The following SIRT1 variants were observed in gnomAD, a reference collection of about 807,000 sequenced individuals.
SIRT1 encodes NAD-dependent protein deacetylase sirtuin-1.
Under a neutral mutation model 67.9 loss-of-function variants are expected in SIRT1, and 24 were observed. The ratio of observed to expected loss-of-function variants is 0.35; its 90% confidence interval spans 0.26 to 0.50. The LOEUF (loss-of-function observed/expected upper bound fraction) is 0.50, where lower values mean the gene tolerates loss of function less well. Ranked by LOEUF, SIRT1 falls within the 20% of genes least tolerant of loss-of-function variation. The pLI is 0.98. For synonymous variants in SIRT1, 378 were observed against 350.7 expected, an observed-to-expected ratio of 1.08 and a Z score of -0.87; for missense variants, 873 against 937.2, an observed-to-expected ratio of 0.93 and a Z score of 0.89.
In SIRT1 at chr10:67,918,141, G is replaced by A. The variant is rs2029982378; in HGVS notation, c.*1548G>A. On this transcript the variant is annotated 3_prime_UTR_variant, in exon 9 of 9. Coordinates refer to ENST00000212015, the MANE Select transcript of SIRT1 (RefSeq NM_012238.5). Reference sequence around the variant, plus strand: ...AGTATATTTAGTTTTCCATTTGCATGATGTTTGTGTGCTATAGATGATATT... The same window carrying A: ...AGTATATTTAGTTTTCCATTTGCATAATGTTTGTGTGCTATAGATGATATT... 1 of 152,588 alleles carries A rather than the reference G, an allele frequency of 6.6e-6. No individual in the cohort carries two copies. The highest frequency in any genetic ancestry group is 2.1e-4 in the South Asian group (1 of 4,826). The allele number at this position is 152,588 out of a possible 1,614,324, so 9.5% of individuals were successfully genotyped here. A position where few individuals can be genotyped will look rare whatever the true frequency, so the allele number is the denominator to read the frequency against.
Position 67,909,478 on chromosome 10 carries a change from A to G in SIRT1, c.1357+36A>G, listed in dbSNP as rs746966174. On this transcript the variant is annotated intron_variant, in intron 7 of 8. Transcript: ENST00000212015. ...GATGGTTTTTGGAGAACATTTCTAT[A>G]TATAATGTCATGGGTTGTGGGTCTG... 29 of 1,547,166 alleles carry G rather than the reference A, an allele frequency of 1.9e-5. No homozygotes were observed. The East Asian group carries it at 5.4e-4, about 29-fold the overall frequency.
At chr10:67,887,319 A>G in intron 1 of SIRT1, 98 bp from the exon 2 acceptor site, 3 of 759,858 alleles carry the variant, frequency 3.9e-6, no homozygotes, top group Non-Finnish European at 7.0e-6. Flanking sequence ...TGTAAATGTT[A>G]AATGCTGTAC....
chr10:67,903,724 C>T (rs542625861), intron 4 of SIRT1, among the ~76,000 whole-genome samples: 1 of 152,256 alleles, frequency 6.6e-6, no homozygotes, highest in African/African-American at 2.4e-5. Context: ...GTTTTGACCA[C>T]GTTGGTTGCC....
chr10:67,912,663 G>A lies in SIRT1; in HGVS notation c.1547G>A (p.Arg516Gln), dbSNP rs1247003248. 8 of 1,614,000 alleles carry A rather than the reference G, an allele frequency of 5.0e-6. No homozygotes were observed. The highest frequency in any genetic ancestry group is 2.2e-5 in the East Asian group (1 of 44,860). ...KLSEITEKPP[R>Q]TQKELAYLSE... Reference sequence around the variant, plus strand: ...TCAGAAATTACTGAAAAACCTCCACGAACACAAAAAGAATTGGCTTATTTG... The same window carrying A: ...TCAGAAATTACTGAAAAACCTCCACAAACACAAAAAGAATTGGCTTATTTG... Residue 516 changes from arginine to glutamine, a missense_variant, in exon 8 of 9, where the codon CGA becomes CAA. Around this residue, in one of 3 missense-constraint regions of SIRT1, gnomAD observed 295 missense variants for 294.5 expected, o/e 1.00. Coordinates refer to ENST00000212015, the MANE Select transcript of SIRT1 (RefSeq NM_012238.5).
chr10:67,889,233 G>C, intron 3 of SIRT1, 110 bp downstream of exon 3: 2 of 1,270,550 alleles, frequency 1.6e-6, no homozygotes, highest in Non-Finnish European at 2.1e-6. Context: ...GATAATGGAT[G>C]TTTGGGAACT....
rs1842449029 is a variant in SIRT1 at position 67,884,861 on chromosome 10, G to A, written c.140G>A (p.Ser47Asn). ...AGAGATGGTCCCGGCCTCGAGCGGA[G>A]CCCGGGCGAGCCCGGTGGGGCGGCC... ...PRRDGPGLER[S>N]PGEPGGAAPE... Residue 47 changes from serine (S) to asparagine (N), a missense_variant, in exon 1 of 9, where the codon AGC becomes AAC. Transcript: ENST00000212015. 12 of 1,217,056 alleles carry A rather than the reference G, an allele frequency of 9.9e-6. No individual in the cohort carries two copies. The East Asian group carries it at 2.3e-4, about 23-fold the overall frequency. 75.4% of individuals were successfully genotyped at this position (1,217,056 alleles called of 1,614,324 possible).
chr10:67,914,059 A>ATTTTTTTTTTT (rs57073724), intron 8 of SIRT1, among the ~76,000 whole-genome samples: 7 of 88,244 alleles, frequency 7.9e-5, no homozygotes, highest in African/African-American at 3.6e-4. Flanking sequence ...CAAAAGGTAG[A>ATTTTTTTTTTT]TTTTTTTTTT....
chr10:67,905,054 C>G (rs140792615), intron 4 of SIRT1, among the ~76,000 whole-genome samples: 2 of 152,210 alleles, frequency 1.3e-5, no homozygotes, highest in African/African-American at 2.4e-5. Flanking sequence ...CTCTTTTTCC[C>G]TGACCTTGCT....
At position 67,908,032 on chromosome 10, in the gene SIRT1, T is replaced by C. The variant is rs1348218058; in HGVS notation, c.1091-14T>C. On this transcript the variant is annotated splice_polypyrimidine_tract_variant and intron_variant, in intron 5 of 8. Coordinates refer to ENST00000212015, the MANE Select transcript of SIRT1 (RefSeq NM_012238.5). ...ACTTCTTTAATAAAGCATATATATG[T>C]TGTTTGTTTTTAGGTTCCTTTGCAA... 3 of 1,602,512 alleles carry C rather than the reference T, an allele frequency of 1.9e-6. No homozygotes were observed. The highest frequency in any genetic ancestry group is 2.7e-5 in the African/African-American group (2 of 74,728).
Position 67,918,368 on chromosome 10 carries a change from T to G in SIRT1, c.*1775T>G, listed in dbSNP as rs951445538. Reference sequence around the variant, plus strand: ...GTTTTAAAGTCTATTAAAATTGTCATTTGACTTTTTTCTGTTAACTTACAT... The same window carrying G: ...GTTTTAAAGTCTATTAAAATTGTCAGTTGACTTTTTTCTGTTAACTTACAT... On this transcript the variant is annotated 3_prime_UTR_variant, in exon 9 of 9. Coordinates refer to ENST00000212015, the MANE Select transcript of SIRT1 (RefSeq NM_012238.5). The G allele has an allele frequency of 6.5e-6, 1 of 152,672 alleles. No individual in the cohort carries two copies. Among genetic ancestry groups the G allele is most frequent in the Non-Finnish European group, 1.5e-5 (1 of 68,048 alleles). 9.5% of individuals were successfully genotyped at this position (152,672 alleles called of 1,614,324 possible). A position where few individuals can be genotyped will look rare whatever the true frequency, so the allele number is the denominator to read the frequency against.
At chr10:67,894,183 G>A (rs182835867) in intron 4 of SIRT1, among the ~76,000 whole-genome samples, 2 of 152,012 alleles carry the variant, frequency 1.3e-5, no homozygotes, top group African/African-American at 4.8e-5. Context: ...GTGTAAAGTG[G>A]GAAAATTATA....
At position 67,912,996 on chromosome 10, in the gene SIRT1, G is replaced by C; in HGVS notation, c.1880G>C (p.Arg627Thr). 1.2e-6 allele frequency: 2 copies of C among 1,611,912 alleles called. No homozygotes were observed. Among genetic ancestry groups the C allele is most frequent in the Admixed American group, 3.4e-5 (2 of 59,470 alleles). ...ACAGTGAGAAAATGCTGGCCTAATA[G>C]AGTGGCAAAGGAGCAGATTAGTAGG... is the stretch of plus-strand genomic sequence containing the variant. ...AGTVRKCWPN[R>T]VAKEQISRRL... The change falls in exon 8 of 9, where the codon AGA becomes ACA. Residue 627 changes from arginine (R) to threonine (T), a missense_variant. Physicochemically the swap from Arg to Thr is moderately conservative, Grantham distance 71. Around this residue, in one of 3 missense-constraint regions of SIRT1, gnomAD observed 295 missense variants for 294.5 expected, o/e 1.00. Transcript: ENST00000212015.
At position 67,916,598 on chromosome 10, in the gene SIRT1, ATAAT is replaced by A. The variant is rs1161156736; in HGVS notation, c.*7_*10del. The A allele has an allele frequency of 6.3e-7, 1 of 1,599,284 alleles. No homozygotes were observed. Among genetic ancestry groups the A allele is most frequent in the Non-Finnish European group, 8.5e-7 (1 of 1,169,600 alleles). Reference sequence around the variant, plus strand: ...TATCCATCAAACAAATCATAGTGTAATAATTGTGCAGGTACAGGAATTGTTCCAC... The same window carrying A: ...TATCCATCAAACAAATCATAGTGTAATGTGCAGGTACAGGAATTGTTCCAC... On this transcript the variant is annotated 3_prime_UTR_variant, in exon 9 of 9. Transcript: ENST00000212015.
intron 6 of SIRT1, 84 bp from the exon 7 acceptor site, chr10:67,909,172 C>A: frequency 1.2e-6 from 1 of 854,206 alleles, no homozygotes; most frequent in Non-Finnish European, 1.8e-6. Context: ...GAAATGTATT[C>A]TTAGAGGTAT....
chr10:67,899,185 C>T (rs1349728781), intron 4 of SIRT1, among the ~76,000 whole-genome samples: 1 of 151,960 alleles, frequency 6.6e-6, no homozygotes, highest in East Asian at 1.9e-4. Context: ...GGGCTGGGTG[C>T]AGTGGCTCAT....
chr10:67,917,584 G>A lies in SIRT1; in HGVS notation c.*991G>A, dbSNP rs1173930861. 6.6e-6 allele frequency: 1 copy of A among 152,566 alleles called. No individual in the cohort carries two copies. The highest frequency in any genetic ancestry group is 2.1e-4 in the South Asian group (1 of 4,824). 9.5% of individuals were successfully genotyped at this position (152,566 alleles called of 1,614,324 possible). ...TTGGACTGCTGTTTTCCATTAATGA[G>A]GAGAGCAACAGGCCCCTGATTATAC... is the stretch of plus-strand genomic sequence containing the variant. On this transcript the variant is annotated 3_prime_UTR_variant, in exon 9 of 9. Transcript: ENST00000212015.
Position 67,908,149 on chromosome 10 carries a change from G to A in SIRT1, c.1170+24G>A. 3.1e-6 allele frequency: 5 copies of A among 1,590,840 alleles called. No individual in the cohort carries two copies. In the South Asian group the frequency reaches 3.3e-5, roughly 11 times the overall value. ...AGGTAATTTGTTGCCCATATTTTAG[G>A]AATTGTTCATGTCTCTGAAGTATTT... On this transcript the variant is annotated intron_variant, in intron 6 of 8. Transcript: ENST00000212015.
Position 67,888,863 on chromosome 10 carries a change from CT to C in SIRT1, c.548-15del. On this transcript the variant is annotated intron_variant, in intron 2 of 8. Coordinates refer to ENST00000212015, the MANE Select transcript of SIRT1 (RefSeq NM_012238.5). Reference sequence around the variant, plus strand: ...ATTACTTGATAAGTTGACTTTAAGCCTTTTCCCCCTTATTGTAGGTCCATAT... The same window carrying C: ...ATTACTTGATAAGTTGACTTTAAGCCTTTCCCCCTTATTGTAGGTCCATAT... 8 of 1,575,362 alleles carry C rather than the reference CT, an allele frequency of 5.1e-6. No individual in the cohort carries two copies. Among genetic ancestry groups the C allele is most frequent in the Admixed American group, 3.6e-5 (2 of 55,458 alleles).
rs1320870381 is a variant in SIRT1 at position 67,912,744 on chromosome 10, G to C, written c.1628G>C (p.Arg543Thr). The C allele has an allele frequency of 2.5e-6, 4 of 1,614,068 alleles. No individual in the cohort carries two copies. The highest frequency in any genetic ancestry group is 3.4e-6 in the Non-Finnish European group (4 of 1,180,028). ...HVSEDSSSPERTSPPDSSVIV... is the reference protein window; with the variant it reads ...HVSEDSSSPETTSPPDSSVIV... ...TCAGAAGACTCAAGTTCACCAGAAAGAACTTCACCACCAGATTCTTCAGTG... is the reference window on the plus strand; with the variant it reads ...TCAGAAGACTCAAGTTCACCAGAAACAACTTCACCACCAGATTCTTCAGTG... The change falls in exon 8 of 9, where the codon AGA (arginine) becomes ACA (threonine). Residue 543 changes from arginine (R) to threonine (T), a missense_variant. Transcript: ENST00000212015.
Sources: gnomAD v4.1 joint callset for allele counts (sites outside exome capture counted in the v4.1 genomes callset) on GRCh38, gnomAD v4.1.1 for gene constraint, gnomAD v4.1.1 regional missense constraint, MANE v1.5 for transcripts, NCBI Gene and HGNC (gene_info 2026-07-23, HGNC 2026-07-21) for gene names.